Variants in C2orf76 observed in about 807,000 individuals in gnomAD.
C2orf76 encodes the protein chromosome 2 open reading frame 76.
In C2orf76, 23 loss-of-function variants were observed where a neutral mutation model predicts 16.9. The ratio of observed to expected loss-of-function variants is 1.36; its 90% CI spans 0.98 to 1.93. C2orf76 has a LOEUF of 1.93. Among genes scored for constraint, C2orf76 ranks in the 30% most tolerant of loss-of-function variants. The probability of loss-of-function intolerance (pLI) is 0.00; values close to 1 mark genes in which losing one functional copy is unlikely to be tolerated. For synonymous variants in C2orf76, 48 were observed against 52.3 expected (o/e 0.92, Z 0.35); for missense variants, 152 against 152.6 (o/e 1.00, Z 0.02).
intron 1 of C2orf76, among the ~76,000 whole-genome samples, chr2:119,358,859 G>A (rs1386185537): frequency 1.3e-5 from 2 of 152,198 alleles, no homozygotes; most frequent in African/African-American, 4.8e-5. Flanking sequence ...TGTAGAAGCT[G>A]CACCAAGTTA....
chr2:119,367,013 C>T (rs1573709088), upstream of C2orf76: 1 of 1,613,834 alleles, frequency 6.2e-7, no homozygotes, highest in Non-Finnish European at 8.5e-7. Flanking sequence ...GTCCTCGCCT[C>T]CTCCGCTGTC....
At chr2:119,360,659 A>G (rs1359434494) in intron 1 of C2orf76, among the ~76,000 whole-genome samples, 2 of 152,176 alleles carry the variant, frequency 1.3e-5, no homozygotes, top group African/African-American at 2.4e-5. Flanking sequence ...CAAACCTGCA[A>G]TATCTCTGAG....
At chr2:119,291,261 C>T in the C2orf76 span, among the ~76,000 whole-genome samples, 89 of 151,890 alleles carry the variant, frequency 5.9e-4, 1 homozygote, top group Admixed American at 5.8e-3. Context: ...AATATTCTAA[C>T]TACAAAACCT....
At chr2:119,312,909 T>G (rs147212739) in intron 4 of C2orf76, among the ~76,000 whole-genome samples, 8,193 of 151,740 alleles carry the variant, frequency 0.054, 698 homozygotes, top group African/African-American at 0.19. Context: ...GTGCCTGTAG[T>G]CCCAGCTACT....
rs137964297 is a variant in C2orf76 at position 119,322,705 on chromosome 2, G to A, written c.134-1501C>T. 1.1e-3 allele frequency among the ~76,000 whole-genome samples: 160 copies of A among 152,196 alleles called. 1 individual carries two copies. The highest frequency in any genetic ancestry group is 2.0e-3 in the Non-Finnish European group (133 of 68,002). On this transcript the variant is annotated intron_variant, in intron 2 of 5. Transcript: ENST00000334816. Reference sequence around the variant, plus strand: ...TTTTCAACTGTTAAAAGAAAAAGAAGGAAGCTCTCTACTAACATGATAAGA... The same window carrying A: ...TTTTCAACTGTTAAAAGAAAAAGAAAGAAGCTCTCTACTAACATGATAAGA...
chr2:119,354,552 T>C (rs1680508186), intron 1 of C2orf76, among the ~76,000 whole-genome samples: 1 of 152,168 alleles, frequency 6.6e-6, no homozygotes, highest in Admixed American at 6.5e-5. Context: ...TAAAAAACCC[T>C]ACATTTATAA....
Position 119,364,025 on chromosome 2 carries a change from T to TAGAG in C2orf76, c.-13+2761_-13+2764dup, listed in dbSNP as rs35180651. Among the ~76,000 whole-genome samples, 1,431 of 143,852 alleles carry TAGAG rather than the reference T, an allele frequency of 9.9e-3. 14 individuals are homozygous for TAGAG. Among genetic ancestry groups the TAGAG allele is most frequent in the Middle Eastern group, 0.018 (5 of 280 alleles). 94.4% of individuals were successfully genotyped at this position (143,852 alleles called of 152,430 possible). A position where few individuals can be genotyped will look rare whatever the true frequency, so the allele number is the denominator to read the frequency against. On this transcript the variant is annotated intron_variant, in intron 1 of 5. Coordinates refer to ENST00000334816, the MANE Select transcript of C2orf76 (RefSeq NM_001322331.2). ...GGAGTGAGACCCTGTCTCAAAAAAA[T>TAGAG]AGAGAGAGAGAGAGAGACAGACAGA...
chr2:119,300,372 A>G (rs959960589), downstream of C2orf76, among the ~76,000 whole-genome samples: 1 of 152,132 alleles, frequency 6.6e-6, no homozygotes, highest in African/African-American at 2.4e-5. Flanking sequence ...TGCCACCTGG[A>G]CATTGCTGAC....
chr2:119,317,546 A>G (rs749725353), intron 3 of C2orf76, 43 bp from the exon 4 acceptor site: 1 of 1,521,932 alleles, frequency 6.6e-7, no homozygotes, highest in Non-Finnish European at 9.0e-7. Flanking sequence ...AGTTTATTCT[A>G]AACTTCTTTT....
At chr2:119,343,087 A>G (rs529126955) in intron 1 of C2orf76, among the ~76,000 whole-genome samples, 2 of 152,294 alleles carry the variant, frequency 1.3e-5, no homozygotes, top group South Asian at 4.1e-4. Flanking sequence ...AACATACACA[A>G]GCAAGTCACA....
chr2:119,304,016 G>C (rs1413272767), intron 5 of C2orf76, among the ~76,000 whole-genome samples: 1 of 152,164 alleles, frequency 6.6e-6, no homozygotes, highest in Non-Finnish European at 1.5e-5. Context: ...ATGGGTAAAA[G>C]ACTCCTCCAC....
chr2:119,346,568 T>TTGG (rs1680208561), intron 1 of C2orf76, among the ~76,000 whole-genome samples: 1 of 152,284 alleles, frequency 6.6e-6, no homozygotes, highest in Non-Finnish European at 1.5e-5. Context: ...ATTCCATTTT[T>TTGG]ATGTCATTCT....
intron 2 of C2orf76, among the ~76,000 whole-genome samples, chr2:119,329,363 G>A (rs1004673431): frequency 1.3e-5 from 2 of 152,026 alleles, no homozygotes; most frequent in Non-Finnish European, 2.9e-5. Context: ...TATCAGCATG[G>A]TATAACTTTC....
intron 1 of C2orf76, among the ~76,000 whole-genome samples, chr2:119,342,201 A>G (rs1394970809): frequency 6.6e-6 from 1 of 152,248 alleles, no homozygotes; most frequent in African/African-American, 2.4e-5. Context: ...AGCATTAAAC[A>G]TGGATAAATC....
At chr2:119,365,555 C>T (rs945700192) in intron 1 of C2orf76, among the ~76,000 whole-genome samples, 1 of 152,198 alleles carries the variant, frequency 6.6e-6, no homozygotes, top group Non-Finnish European at 1.5e-5. Flanking sequence ...TCTACCTTCC[C>T]TGGGGAGGGG....
At chr2:119,360,236 T>A (rs957307283) in intron 1 of C2orf76, among the ~76,000 whole-genome samples, 7 of 152,098 alleles carry the variant, frequency 4.6e-5, no homozygotes, top group Admixed American at 4.6e-4. Flanking sequence ...ATCCCAACAC[T>A]TTGGGAGGCC....
At chr2:119,364,069 T>C (rs78479269) in intron 1 of C2orf76, among the ~76,000 whole-genome samples, 37 of 133,792 alleles carry the variant, frequency 2.8e-4, no homozygotes, top group African/African-American at 9.1e-4. Flanking sequence ...CAGACAGAGA[T>C]AGGAGAAAGG....
intron 2 of C2orf76, among the ~76,000 whole-genome samples, chr2:119,323,164 T>G (rs956025397): frequency 1.3e-5 from 2 of 149,878 alleles, no homozygotes; most frequent in African/African-American, 2.5e-5. Context: ...CTACAGGCGC[T>G]CAGCACCATG....
intron 1 of C2orf76, among the ~76,000 whole-genome samples, chr2:119,346,839 G>T (rs1225580436): frequency 1.3e-5 from 2 of 152,160 alleles, no homozygotes; most frequent in African/African-American, 4.8e-5. Context: ...AAATCTAAAT[G>T]AGGTTCATTG....
Sources: gnomAD v4.1 joint callset for allele counts (sites outside exome capture counted in the v4.1 genomes callset) on GRCh38, gnomAD v4.1.1 for gene constraint, MANE v1.5 for transcripts, NCBI Gene and HGNC (gene_info 2026-07-23, HGNC 2026-07-21) for gene names.